Variants in TBC1D4 observed in about 807,000 individuals in gnomAD.
TBC1D4 encodes the protein TBC1 domain family member 4, also known as TBC (Tre-2, BUB2, CDC16) domain-containing protein.
In TBC1D4, 121 loss-of-function variants were observed where a neutral mutation model predicts 142.5. That is an observed-to-expected ratio of 0.85 (90% CI 0.73 to 0.99). The LOEUF (loss-of-function observed/expected upper bound fraction) is 0.99. Among genes scored for constraint, TBC1D4 ranks in the 50% least tolerant of loss-of-function variants. The pLI, the probability that TBC1D4 is intolerant of heterozygous loss-of-function variation, is 0.00. For missense variants in TBC1D4, 1,475 were observed against 1,606.6 expected (o/e 0.92, Z 1.40); for synonymous variants, 630 against 628.2 (o/e 1.00, Z -0.04).
Position 75,292,278 on chromosome 13 carries a change from G to A in TBC1D4, c.3317-7C>T. On this transcript the variant is annotated splice_polypyrimidine_tract_variant and splice_region_variant and intron_variant, in intron 18 of 20. Coordinates refer to ENST00000377636, the MANE Select transcript of TBC1D4 (RefSeq NM_014832.5). The stretch of plus-strand genomic sequence containing the variant: ...CCCTGAAGAAAAATAATATCTAAAA[G>A]AAGAGATATAATTTTCATGATCAAA... 1 of 1,606,008 alleles carries A rather than the reference G, an allele frequency of 6.2e-7. No individual in the cohort carries two copies. Among genetic ancestry groups the A allele is most frequent in the South Asian group, 1.1e-5 (1 of 90,432 alleles).
intron 12 of TBC1D4, among the ~76,000 whole-genome samples, chr13:75,313,631 C>G (rs1416628476): frequency 2.0e-5 from 3 of 152,196 alleles, no homozygotes; most frequent in Non-Finnish European, 4.4e-5. Context: ...AAGAGATCCT[C>G]CCACCTCAGC....
chr13:75,355,699 A>C (rs1480529920), intron 4 of TBC1D4, among the ~76,000 whole-genome samples: 1 of 152,228 alleles, frequency 6.6e-6, no homozygotes, highest in Admixed American at 6.5e-5. Flanking sequence ...AAAGTATATG[A>C]TATTTCAAAA....
chr13:75,417,131 C>T (rs1885953861), intron 1 of TBC1D4, among the ~76,000 whole-genome samples: 2 of 152,164 alleles, frequency 1.3e-5, no homozygotes, highest in African/African-American at 4.8e-5. Flanking sequence ...CTGTTCTCTG[C>T]CACTGGCATG....
chr13:75,383,112 A>G (rs1211612794), intron 1 of TBC1D4, among the ~76,000 whole-genome samples: 1 of 152,234 alleles, frequency 6.6e-6, no homozygotes, highest in African/African-American at 2.4e-5. Flanking sequence ...ACTTGAGGCC[A>G]GGAGTTTGAG....
In TBC1D4 at chr13:75,326,345, C is replaced by T. The variant is rs552118850; in HGVS notation, c.1885G>A (p.Glu629Lys). 3 of 1,614,072 alleles carry T rather than the reference C, an allele frequency of 1.9e-6. No homozygotes were observed. The highest frequency in any genetic ancestry group is 3.3e-5 in the Admixed American group (2 of 60,006). Reference protein sequence around the residue: ...PSSAWQTFPEEDSDSPQFRRR... With the variant: ...PSSAWQTFPEKDSDSPQFRRR... ...CGAAACTGCGGGGAGTCGGAATCCT[C>T]TTCGGGAAACGTTTGCCAAGCTGAG... Residue 629 changes from glutamate (E) to lysine (K), a missense_variant, in exon 10 of 21, where the codon GAG becomes AAG. Glu to Lys is a moderately conservative substitution (Grantham distance 56). This residue lies in a region of TBC1D4 where 1,227 missense variants were observed against 1,267.7 expected (regional missense o/e 0.97). Transcript: ENST00000377636.
chr13:75,477,607 G>C (rs1888673354), intron 1 of TBC1D4, among the ~76,000 whole-genome samples: 1 of 151,998 alleles, frequency 6.6e-6, no homozygotes, highest in South Asian at 2.1e-4. Flanking sequence ...AACAACTCCT[G>C]CTTTATTTTT....
In TBC1D4 at chr13:75,341,106, G is replaced by T; in HGVS notation, c.1611+19C>A. 1.3e-6 allele frequency: 2 copies of T among 1,575,640 alleles called. No homozygotes were observed. Among genetic ancestry groups the T allele is most frequent in the South Asian group, 1.1e-5 (1 of 88,906 alleles). On this transcript the variant is annotated intron_variant, in intron 7 of 20. Coordinates refer to ENST00000377636, the MANE Select transcript of TBC1D4 (RefSeq NM_014832.5). Reference sequence around the variant, plus strand: ...TTAAACAACAACAAAAGTAGGTGAAGTAGGAAATATCTTCTCACAGAAGGG... The same window carrying T: ...TTAAACAACAACAAAAGTAGGTGAATTAGGAAATATCTTCTCACAGAAGGG...
At chr13:75,308,222 G>A (rs1877377671) in intron 14 of TBC1D4, among the ~76,000 whole-genome samples, 2 of 152,188 alleles carry the variant, frequency 1.3e-5, no homozygotes, top group South Asian at 4.1e-4. Flanking sequence ...ACCGATGAAG[G>A]TTTCTGAGAA....
chr13:75,305,228 G>C (rs931947811), intron 15 of TBC1D4, among the ~76,000 whole-genome samples: 2 of 152,204 alleles, frequency 1.3e-5, no homozygotes, highest in African/African-American at 4.8e-5. Context: ...ACGTGGAACT[G>C]TGAGTCCATA....
chr13:75,426,006 T>A (rs554976208), intron 1 of TBC1D4, among the ~76,000 whole-genome samples: 1 of 152,310 alleles, frequency 6.6e-6, no homozygotes, highest in East Asian at 1.9e-4. Flanking sequence ...GTAATGCATA[T>A]CTTAAATGGC....
intron 1 of TBC1D4, among the ~76,000 whole-genome samples, chr13:75,383,065 T>C (rs1883945184): frequency 6.6e-6 from 1 of 152,210 alleles, no homozygotes; most frequent in Non-Finnish European, 1.5e-5. Context: ...CTCACGCCCA[T>C]AATCCCAACA....
At chr13:75,452,663 C>A (rs1239005497) in intron 1 of TBC1D4, among the ~76,000 whole-genome samples, 1 of 152,060 alleles carries the variant, frequency 6.6e-6, no homozygotes. Context: ...TACAAATTGC[C>A]GTAAGTGATT....
At chr13:75,439,567 A>G (rs1886947934) in intron 1 of TBC1D4, among the ~76,000 whole-genome samples, 1 of 152,248 alleles carries the variant, frequency 6.6e-6, no homozygotes, top group African/African-American at 2.4e-5. Flanking sequence ...CTTAGAATAT[A>G]TTCCTCAATC....
intron 1 of TBC1D4, among the ~76,000 whole-genome samples, chr13:75,400,025 T>C (rs1258338680): frequency 6.6e-6 from 1 of 152,058 alleles, no homozygotes; most frequent in Non-Finnish European, 1.5e-5. Flanking sequence ...AAAGAAGCCA[T>C]CCTGAAAATT....
At chr13:75,474,335 G>A (rs1374280394) in intron 1 of TBC1D4, among the ~76,000 whole-genome samples, 2 of 152,194 alleles carry the variant, frequency 1.3e-5, no homozygotes, top group Non-Finnish European at 2.9e-5. Context: ...CTATGCGGGC[G>A]GATCACGAGG....
intron 1 of TBC1D4, among the ~76,000 whole-genome samples, chr13:75,409,954 T>C (rs1885544470): frequency 6.6e-6 from 1 of 152,338 alleles, no homozygotes; most frequent in Admixed American, 6.5e-5. Flanking sequence ...ACTTGACAGA[T>C]GTTGTAAAGG....
intron 1 of TBC1D4, chr13:75,366,978 G>A (rs1882949892): frequency 1.0e-6 from 1 of 985,280 alleles, no homozygotes; most frequent in Non-Finnish European, 1.2e-6. Flanking sequence ...TGCCAAACTG[G>A]TGTAGTCCTC....
intron 4 of TBC1D4, among the ~76,000 whole-genome samples, chr13:75,349,608 T>A (rs1286755189): frequency 6.6e-6 from 1 of 152,256 alleles, no homozygotes; most frequent in Non-Finnish European, 1.5e-5. Context: ...AATTAGTTAA[T>A]CCTTCTGTTT....
In TBC1D4 at chr13:75,352,793, C is replaced by A. The variant is rs894418306; in HGVS notation, c.1275+3354G>T. Among the ~76,000 whole-genome samples the A allele has an allele frequency of 3.3e-4, 50 of 152,126 alleles. 2 individuals carry two copies. Among genetic ancestry groups the A allele is most frequent in the Non-Finnish European group, 5.9e-5 (4 of 68,012 alleles). ...CAAAAGAAAATGTTAATTGTGTATTCTTGGTACTCAGAGAAGATAAATCAG... is the reference window on the plus strand; with the variant it reads ...CAAAAGAAAATGTTAATTGTGTATTATTGGTACTCAGAGAAGATAAATCAG... On this transcript the variant is annotated intron_variant, in intron 4 of 20. Coordinates refer to ENST00000377636, the MANE Select transcript of TBC1D4 (RefSeq NM_014832.5).
Sources: allele counts gnomAD v4.1 joint callset (sites outside exome capture counted in the v4.1 genomes callset), GRCh38; gene constraint gnomAD v4.1.1; regional missense constraint gnomAD v4.1.1; transcripts MANE v1.5; gene names NCBI Gene and HGNC (gene_info 2026-07-23, HGNC 2026-07-21).